The following KCND2 variants were observed in gnomAD, a reference collection of about 807,000 sequenced individuals.
KCND2 encodes the protein A-type voltage-gated potassium channel KCND2.
A neutral mutation model predicts 54.4 loss-of-function variants in KCND2; 16 were observed. The observed-to-expected ratio is 0.29, with a 90% CI of 0.20 to 0.45. The LOEUF (loss-of-function observed/expected upper bound fraction) is 0.45, where lower values mean the gene tolerates loss of function less well. Among genes scored for constraint, KCND2 ranks in the 20% least tolerant of loss-of-function variants. The pLI is 1.00. For missense variants in KCND2, 486 were observed against 824.2 expected, an observed-to-expected ratio of 0.59 and a Z score of 5.02; for synonymous variants, 317 against 310.7, an observed-to-expected ratio of 1.02 and a Z score of -0.21.
chr7:120,732,065 T>G (rs781210243), intron 1 of KCND2, among the ~76,000 whole-genome samples: 1 of 152,050 alleles, frequency 6.6e-6, no homozygotes, highest in Non-Finnish European at 1.5e-5. Context: ...AGGAGAGACA[T>G]CATGGCTGTC....
intron 1 of KCND2, among the ~76,000 whole-genome samples, chr7:120,450,365 C>T (rs1042646871): frequency 6.6e-6 from 1 of 151,976 alleles, no homozygotes; most frequent in Non-Finnish European, 1.5e-5. Flanking sequence ...GCCGAGATCG[C>T]GTCACTGCAC....
chr7:120,597,430 G>A (rs1452743559), intron 1 of KCND2, among the ~76,000 whole-genome samples: 1 of 152,120 alleles, frequency 6.6e-6, no homozygotes, highest in Non-Finnish European at 1.5e-5. Context: ...CAATAAATTA[G>A]TCTTTCTAAT....
intron 1 of KCND2, among the ~76,000 whole-genome samples, chr7:120,291,966 A>T (rs1799441802): frequency 1.3e-5 from 2 of 151,822 alleles, no homozygotes; most frequent in African/African-American, 4.8e-5. Flanking sequence ...AATGTCCAGG[A>T]TACATGTAAA....
chr7:120,286,620 A>C (rs1191237835), intron 1 of KCND2, among the ~76,000 whole-genome samples: 1 of 151,988 alleles, frequency 6.6e-6, no homozygotes, highest in African/African-American at 2.4e-5. Context: ...ATTACTGAAG[A>C]GTTGTTGATT....
chr7:120,613,184 T>C (rs545620728), intron 1 of KCND2, among the ~76,000 whole-genome samples: 72 of 152,044 alleles, frequency 4.7e-4, no homozygotes, highest in African/African-American at 1.7e-3. Flanking sequence ...ACTCAAAAGA[T>C]CGGTTTTCGT....
At chr7:120,473,079 C>T (rs1024155056) in intron 1 of KCND2, among the ~76,000 whole-genome samples, 1 of 152,176 alleles carries the variant, frequency 6.6e-6, no homozygotes, top group African/African-American at 2.4e-5. Flanking sequence ...ACCATAAGGA[C>T]CAGCAGATCA....
At chr7:120,601,842 A>G (rs1792817466) in intron 1 of KCND2, among the ~76,000 whole-genome samples, 2 of 152,316 alleles carry the variant, frequency 1.3e-5, no homozygotes, top group African/African-American at 4.8e-5. Context: ...ACTATCCCTT[A>G]GAATATATAA....
intron 1 of KCND2, among the ~76,000 whole-genome samples, chr7:120,626,559 A>G (rs1793165848): frequency 6.6e-6 from 1 of 152,180 alleles, no homozygotes; most frequent in Non-Finnish European, 1.5e-5. Flanking sequence ...ATTTAAGTCC[A>G]ACAATAGCAA....
At chr7:120,727,294 C>T (rs1792745655) in intron 1 of KCND2, among the ~76,000 whole-genome samples, 1 of 151,988 alleles carries the variant, frequency 6.6e-6, no homozygotes, top group Admixed American at 6.6e-5. Flanking sequence ...TGAAGAAATA[C>T]TAAACAGGGA....
intron 4 of KCND2, among the ~76,000 whole-genome samples, chr7:120,744,363 C>A (rs1792979387): frequency 6.6e-6 from 1 of 151,936 alleles, no homozygotes; most frequent in South Asian, 2.1e-4. Flanking sequence ...ATCACTAACA[C>A]CAACTAATAT....
chr7:120,334,944 T>C (rs1800125038), intron 1 of KCND2, among the ~76,000 whole-genome samples: 1 of 152,188 alleles, frequency 6.6e-6, no homozygotes, highest in Admixed American at 6.5e-5. Context: ...TTCTCCAACA[T>C]GGATAGGACA....
intron 1 of KCND2, among the ~76,000 whole-genome samples, chr7:120,480,243 A>G (rs991224299): frequency 6.6e-6 from 1 of 152,122 alleles, no homozygotes; most frequent in East Asian, 1.9e-4. Flanking sequence ...TCTGGTTTGC[A>G]TAAATACCCC....
intron 1 of KCND2, among the ~76,000 whole-genome samples, chr7:120,653,457 G>A (rs1465419922): frequency 6.6e-6 from 1 of 152,070 alleles, no homozygotes; most frequent in Non-Finnish European, 1.5e-5. Context: ...GCCACTCGTT[G>A]ACCTGGATTG....
intron 1 of KCND2, among the ~76,000 whole-genome samples, chr7:120,639,650 C>A (rs1793347119): frequency 6.6e-6 from 1 of 152,152 alleles, no homozygotes; most frequent in Non-Finnish European, 1.5e-5. Context: ...GAAATACAAG[C>A]AACCTTTATG....
intron 1 of KCND2, among the ~76,000 whole-genome samples, chr7:120,596,768 C>T (rs978599943): frequency 3.9e-5 from 6 of 152,106 alleles, no homozygotes; most frequent in Non-Finnish European, 5.9e-5. Context: ...ACTAAAAAAT[C>T]AGTAAGATTC....
At chr7:120,315,122 C>T (rs1468305728) in intron 1 of KCND2, among the ~76,000 whole-genome samples, 2 of 152,060 alleles carry the variant, frequency 1.3e-5, no homozygotes, top group Non-Finnish European at 2.9e-5. Context: ...GAAAAAAAAG[C>T]ATCTATTAAT....
chr7:120,486,689 C>CTT (rs1399142505), intron 1 of KCND2, among the ~76,000 whole-genome samples: 5 of 143,990 alleles, frequency 3.5e-5, no homozygotes, highest in East Asian at 4.0e-4. Flanking sequence ...TGTTTATTGT[C>CTT]TTTTTTTTTT....
chr7:120,421,318 CTG>C (rs1350001273), intron 1 of KCND2, among the ~76,000 whole-genome samples: 1 of 152,146 alleles, frequency 6.6e-6, no homozygotes, highest in Non-Finnish European at 1.5e-5. Flanking sequence ...GATGATGAAA[CTG>C]TGGCTCTGAA....
chr7:120,297,881 G>A (rs1799532701), intron 1 of KCND2, among the ~76,000 whole-genome samples: 1 of 152,036 alleles, frequency 6.6e-6, no homozygotes, highest in African/African-American at 2.4e-5. Flanking sequence ...CTTTCAAACT[G>A]TGTTAATGCC....
Sources: gnomAD v4.1 joint callset for allele counts (sites outside exome capture counted in the v4.1 genomes callset) on GRCh38, gnomAD v4.1.1 for gene constraint, MANE v1.5 for transcripts, NCBI Gene and HGNC (gene_info 2026-07-23, HGNC 2026-07-21) for gene names.